Variants in GTPBP1 observed in about 807,000 individuals in gnomAD.
GTPBP1 encodes the protein GTP-binding protein 1.
In GTPBP1, 23 loss-of-function variants were observed where a neutral mutation model predicts 62.0. The observed-to-expected ratio is 0.37, with a 90% CI of 0.27 to 0.53. The LOEUF (loss-of-function observed/expected upper bound fraction) is 0.53, where lower values mean the gene tolerates loss of function less well. Among genes scored for constraint, GTPBP1 ranks in the 20% least tolerant of loss-of-function variants. The pLI is 0.89. For missense variants in GTPBP1, 640 were observed against 917.3 expected (o/e 0.70, Z 3.90); for synonymous variants, 344 against 364.4 (o/e 0.94, Z 0.64).
chr22:38,717,938 C>A (rs2092679876), intron 4 of GTPBP1, among the ~76,000 whole-genome samples: 1 of 152,242 alleles, frequency 6.6e-6, no homozygotes, highest in East Asian at 1.9e-4. Flanking sequence ...TTCTCGATTC[C>A]TTCAGCTGCC....
At chr22:38,720,690 C>T (rs1213557725) in intron 4 of GTPBP1, among the ~76,000 whole-genome samples, 5 of 152,100 alleles carry the variant, frequency 3.3e-5, no homozygotes, top group African/African-American at 7.2e-5. Flanking sequence ...CCAGTCCTTA[C>T]GGTGATATTT....
chr22:38,719,929 CTTT>C (rs374928496), intron 4 of GTPBP1, among the ~76,000 whole-genome samples: 1 of 135,764 alleles, frequency 7.4e-6, no homozygotes, highest in Non-Finnish European at 1.6e-5. Flanking sequence ...TTCTTTCTTT[CTTT>C]TTTTTTTTTT....
chr22:38,726,511 C>T lies in GTPBP1; in HGVS notation c.1401+71C>T. ...TAGGCTCTTGGCCAGATGCCCTGCT[C>T]ACCCACTCTAGTCCTCATGGCTGCT... On this transcript the variant is annotated intron_variant, in intron 8 of 11. Coordinates refer to ENST00000216044, the MANE Select transcript of GTPBP1 (RefSeq NM_004286.5). This position sits in a 1 kb window ranked among gnomAD's most constrained non-coding sequence, Gnocchi z 4.1. 3.1e-6 allele frequency: 4 copies of T among 1,308,376 alleles called. No individual in the cohort carries two copies. The highest frequency in any genetic ancestry group is 3.3e-6 in the Non-Finnish European group (3 of 915,704). 81.0% of individuals were successfully genotyped at this position (1,308,376 alleles called of 1,614,324 possible).
downstream of GTPBP1, chr22:38,739,345 C>G (rs371792357): frequency 1.9e-6 from 3 of 1,612,940 alleles, no homozygotes; most frequent in African/African-American, 4.0e-5. The surrounding 1 kb of genome is among the most constrained non-coding windows in gnomAD (Gnocchi z 6.7). Context: ...CACGTACCTC[C>G]TGACTCCAGG....
downstream of GTPBP1, chr22:38,738,983 T>C (rs1166761346): frequency 6.2e-7 from 1 of 1,609,500 alleles, no homozygotes; most frequent in Non-Finnish European, 8.5e-7. The surrounding 1 kb of genome is among the most constrained non-coding windows in gnomAD (Gnocchi z 6.6). Context: ...CTGATGACGC[T>C]GGCCCCTGAG....
chr22:38,740,915 T>A, downstream of GTPBP1: 2 of 1,354,052 alleles, frequency 1.5e-6, no homozygotes, highest in Admixed American at 2.0e-5. The surrounding 1 kb of genome is among the most constrained non-coding windows in gnomAD (Gnocchi z 4.8). Flanking sequence ...TGATCAGAAC[T>A]CTCTGCTCTG....
In GTPBP1 at chr22:38,715,990, G is replaced by A. The variant is rs550879857; in HGVS notation, c.388G>A (p.Asp130Asn). 3 of 1,614,052 alleles carry A rather than the reference G, an allele frequency of 1.9e-6. No individual in the cohort carries two copies. Among genetic ancestry groups the A allele is most frequent in the South Asian group, 1.1e-5 (1 of 91,072 alleles). The change falls in exon 3 of 12, where the codon GAT (aspartate) becomes AAT (asparagine). Residue 130 changes from aspartate (D) to asparagine (N), a missense_variant. Asp to Asn is a conservative substitution (Grantham distance 23). Coordinates refer to ENST00000216044, the MANE Select transcript of GTPBP1 (RefSeq NM_004286.5). ...GAGCATGGCGGAACAGATAGAGGCC[G>A]ATGTCATCCTTCTGCGGGAACGGCA... Reference protein sequence around the residue: ...VKSMAEQIEADVILLRERQEA... With the variant: ...VKSMAEQIEANVILLRERQEA...
intron 5 of GTPBP1, among the ~76,000 whole-genome samples, chr22:38,722,326 A>C (rs1349597562): frequency 1.3e-5 from 2 of 152,246 alleles, no homozygotes; most frequent in Non-Finnish European, 2.9e-5. Flanking sequence ...GAAAGCTGTG[A>C]TCTTTGTTAG....
At chr22:38,714,478 CAAAAA>C (rs34257833) in intron 2 of GTPBP1, among the ~76,000 whole-genome samples, 5 of 46,320 alleles carry the variant, frequency 1.1e-4, no homozygotes, top group Non-Finnish European at 1.9e-4. Context: ...GACTCCATCT[CAAAAA>C]AAAAAAAAAA....
rs16999301 is a variant in GTPBP1 at position 38,729,524 on chromosome 22, G to A, written c.1779G>A (p.Ser593=). 50,300 of 1,608,452 alleles carry A rather than the reference G, an allele frequency of 0.031. 1,993 individuals carry two copies. The highest frequency in any genetic ancestry group is 0.17 in the African/African-American group (12,887 of 74,380). The change falls in exon 11 of 12, where the codon TCG becomes TCA. Residue 593 remains serine, a synonymous_variant. Coordinates refer to ENST00000216044, the MANE Select transcript of GTPBP1 (RefSeq NM_004286.5). Reference sequence around the variant, plus strand: ...AGCCGCAGCAGATTAAAATGCAGTCGACGAAAAAGGGCCCCCTGACGAAAC... The same window carrying A: ...AGCCGCAGCAGATTAAAATGCAGTCAACGAAAAAGGGCCCCCTGACGAAAC... The part of the protein sequence containing the change: ...NSKPQQIKMQ[S]TKKGPLTKRD...
Position 38,716,565 on chromosome 22 carries a change from C to A in GTPBP1, c.486-87C>A. On this transcript the variant is annotated intron_variant, in intron 3 of 11. Transcript: ENST00000216044. The surrounding 1 kb of genome is among the most constrained non-coding windows in gnomAD (Gnocchi z 5.2). ...GGGGATCGGGGCAAGCCTGGACTTG[C>A]GGATCCAATTACTGGGGTTATGATG... The A allele has an allele frequency of 2.0e-6, 2 of 978,280 alleles. No individual in the cohort carries two copies. The highest frequency in any genetic ancestry group is 1.6e-5 in the African/African-American group (1 of 62,254). 60.6% of individuals were successfully genotyped at this position (978,280 alleles called of 1,614,324 possible).
intron 4 of GTPBP1, among the ~76,000 whole-genome samples, chr22:38,720,121 G>A (rs1229703845): frequency 1.3e-5 from 2 of 151,632 alleles, no homozygotes; most frequent in African/African-American, 4.8e-5. Context: ...GTAGAGACAG[G>A]GTTTCACCAT....
chr22:38,739,474 C>A, downstream of GTPBP1: 1 of 1,597,420 alleles, frequency 6.3e-7, no homozygotes, highest in East Asian at 2.2e-5. The surrounding 1 kb of genome is among the most constrained non-coding windows in gnomAD (Gnocchi z 6.7). Flanking sequence ...GCAGACGTGT[C>A]CCCCTGTCAC....
Position 38,728,173 on chromosome 22 carries a change from A to G in GTPBP1, c.1716+12A>G. 1 of 1,600,232 alleles carries G rather than the reference A, an allele frequency of 6.2e-7. No homozygotes were observed. Among genetic ancestry groups the G allele is most frequent in the Admixed American group, 1.7e-5 (1 of 59,740 alleles). On this transcript the variant is annotated intron_variant, in intron 10 of 11. Transcript: ENST00000216044. The stretch of plus-strand genomic sequence containing the variant: ...GCACCATCACCAAGGTATGGCCAGG[A>G]CAGACCTTGCCTGCCTCCAGGAAGC...
intron 1 of GTPBP1, among the ~76,000 whole-genome samples, chr22:38,708,440 AGGTATATGAGG>A (rs2092618889): frequency 6.6e-6 from 1 of 152,136 alleles, no homozygotes; most frequent in Non-Finnish European, 1.5e-5. Flanking sequence ...GAGGGCATGG[AGGTATATGAGG>A]TATATGTCTT....
downstream of GTPBP1, chr22:38,736,318 G>A (rs748074497): frequency 5.6e-6 from 9 of 1,613,876 alleles, no homozygotes; most frequent in Middle Eastern, 1.6e-4. Context: ...AGGTGTACTC[G>A]GGGTGGCCCC....
At position 38,727,070 on chromosome 22, in the gene GTPBP1, G is replaced by A. The variant is rs965966912; in HGVS notation, c.1402-143G>A. 1.4e-6 allele frequency: 1 copy of A among 718,846 alleles called. No individual in the cohort carries two copies. The highest frequency in any genetic ancestry group is 2.2e-6 in the Non-Finnish European group (1 of 447,632). 44.5% of individuals were successfully genotyped at this position (718,846 alleles called of 1,614,324 possible). ...GAGGGTGCTCGTGCTGTCCACCCTA[G>A]AAGGCCTGTGGTCCAGTTGGTGAGG... On this transcript the variant is annotated intron_variant, in intron 8 of 11. Transcript: ENST00000216044. This position sits in a 1 kb window ranked among gnomAD's most constrained non-coding sequence, Gnocchi z 6.5.
chr22:38,721,160 A>G (rs2092698570), intron 4 of GTPBP1, among the ~76,000 whole-genome samples: 1 of 151,760 alleles, frequency 6.6e-6, no homozygotes, highest in Admixed American at 6.6e-5. Context: ...GCTCACCACA[A>G]CCTCCACCTC....
downstream of GTPBP1, chr22:38,742,458 C>T (rs372788944): frequency 2.5e-5 from 41 of 1,613,548 alleles, no homozygotes; most frequent in African/African-American, 6.7e-5. Context: ...ACGTTCCAGC[C>T]GCATGGCCTC....
Sources: allele counts gnomAD v4.1 joint callset (sites outside exome capture counted in the v4.1 genomes callset), GRCh38; gene constraint gnomAD v4.1.1; non-coding constraint Gnocchi (gnomAD v3.1); transcripts MANE v1.5; gene names NCBI Gene and HGNC (gene_info 2026-07-23, HGNC 2026-07-21).